PLA2R1: variants seen among roughly 807,000 people sequenced by gnomAD.
PLA2R1 encodes the protein secretory phospholipase A2 receptor.
In PLA2R1, 158 loss-of-function variants were observed where a neutral mutation model predicts 195.9. The observed-to-expected ratio is 0.81, with a 90% CI of 0.71 to 0.92. The LOEUF is 0.92. Ranked by LOEUF, PLA2R1 falls within the 40% of genes least tolerant of loss-of-function variation. PLA2R1 has a pLI of 0.00. For synonymous variants in PLA2R1, 586 were observed against 598.2 expected (o/e 0.98, Z 0.30); for missense variants, 1,626 against 1,764.6 (o/e 0.92, Z 1.41).
intron 11 of PLA2R1, among the ~76,000 whole-genome samples, chr2:159,997,343 A>T (rs919134556): frequency 1.3e-5 from 2 of 152,050 alleles, no homozygotes; most frequent in African/African-American, 4.8e-5. Context: ...ATCACGTGAA[A>T]GGATAGAGCT....
intron 20 of PLA2R1, among the ~76,000 whole-genome samples, chr2:159,963,437 A>G (rs1688580788): frequency 6.6e-6 from 1 of 152,220 alleles, no homozygotes; most frequent in South Asian, 2.1e-4. Flanking sequence ...GACATTATCA[A>G]GAAAGTTAAA....
At chr2:160,023,438 G>A (rs1345270443) in intron 6 of PLA2R1, among the ~76,000 whole-genome samples, 1 of 152,186 alleles carries the variant, frequency 6.6e-6, no homozygotes, top group East Asian at 1.9e-4. Flanking sequence ...ACTCCCACCA[G>A]TGCCATGACA....
Position 159,976,197 on chromosome 2 carries a change from T to G in PLA2R1, c.2466A>C (p.Ala822=). The G allele has an allele frequency of 6.2e-7, 1 of 1,610,042 alleles. No homozygotes were observed. Among genetic ancestry groups the G allele is most frequent in the South Asian group, 1.1e-5 (1 of 90,428 alleles). Residue 822 remains alanine (A), a synonymous_variant, in exon 17 of 30, where the codon GCA becomes GCC. Transcript: ENST00000283243. ...YDVPWLFYQD[A]EYLFHTFASE... ...AGGCAAAGGTATGAAAAAGGTATTC[T>G]GCATCCTGATAAAAGAGCCAGGGTA...
Position 159,942,167 on chromosome 2 carries a change from C to G in PLA2R1, c.4145-8G>C. The G allele has an allele frequency of 2.5e-6, 4 of 1,604,228 alleles. No individual in the cohort carries two copies. Among genetic ancestry groups the G allele is most frequent in the Non-Finnish European group, 1.7e-6 (2 of 1,172,772 alleles). ...CCTCTGCAGTGTGAATATCTAAAAT[C>G]AAATACAAAAATTAAAATGAGGTTT... On this transcript the variant is annotated splice_polypyrimidine_tract_variant and splice_region_variant and intron_variant, in intron 28 of 29. Transcript: ENST00000283243.
Position 160,020,272 on chromosome 2 carries a change from G to A in PLA2R1, c.1295-9C>T. ...TGTTTCTGATGCATTTTCTGTAAGA[G>A]ATAAATGTAAATTACTTATGGGATC... On this transcript the variant is annotated splice_polypyrimidine_tract_variant and intron_variant, in intron 7 of 29. Coordinates refer to ENST00000283243, the MANE Select transcript of PLA2R1 (RefSeq NM_007366.5). 6.3e-7 allele frequency: 1 copy of A among 1,599,220 alleles called. No individual in the cohort carries two copies. The highest frequency in any genetic ancestry group is 1.3e-5 in the African/African-American group (1 of 74,476).
Position 159,951,566 on chromosome 2 carries a change from T to C in PLA2R1, c.3314A>G (p.His1105Arg), listed in dbSNP as rs761375733. 9.2e-6 allele frequency: 14 copies of C among 1,516,200 alleles called. No homozygotes were observed. Among genetic ancestry groups the C allele is most frequent in the Non-Finnish European group, 1.3e-5 (14 of 1,088,400 alleles). 93.9% of individuals were successfully genotyped at this position (1,516,200 alleles called of 1,614,324 possible). Reference protein sequence around the residue: ...VCEKMQDTSGHGVNTSDMYPM... With the variant: ...VCEKMQDTSGRGVNTSDMYPM... ...ATACATATCAGATGTATTTACACCG[T>C]GTCCAGAAGTATCTAGAACAAGAAC... Residue 1105 changes from histidine to arginine, a missense_variant, in exon 24 of 30, where the codon CAC becomes CGC. Transcript: ENST00000283243.
Position 160,005,636 on chromosome 2 carries a change from A to C in PLA2R1, c.1834+16T>G, listed in dbSNP as rs746019627. On this transcript the variant is annotated intron_variant, in intron 11 of 29. Coordinates refer to ENST00000283243, the MANE Select transcript of PLA2R1 (RefSeq NM_007366.5). ...AGAAAACAGGGAGGGTTGGTGATGC[A>C]GCACACTCTACTCACGCGGCTGGTG... 101 of 1,606,466 alleles carry C rather than the reference A, an allele frequency of 6.3e-5. No individual in the cohort carries two copies. The highest frequency in any genetic ancestry group is 8.1e-5 in the Non-Finnish European group (95 of 1,174,434).
chr2:160,022,618 C>T (rs973396182), intron 7 of PLA2R1, 47 bp downstream of exon 7: 3 of 1,116,960 alleles, frequency 2.7e-6, no homozygotes, highest in Middle Eastern at 4.2e-4. Flanking sequence ...AAAGTAGTTA[C>T]TACATTATAT....
In PLA2R1 at chr2:159,937,102, C is replaced by T. The variant is rs1686869013; in HGVS notation, c.*4676G>A. The T allele has an allele frequency of 6.6e-6, 1 of 151,970 alleles. No homozygotes were observed. Among genetic ancestry groups the T allele is most frequent in the African/African-American group, 2.4e-5 (1 of 41,344 alleles). 9.4% of individuals were successfully genotyped at this position (151,970 alleles called of 1,614,324 possible). A position where few individuals can be genotyped will look rare whatever the true frequency, so the allele number is the denominator to read the frequency against. ...TGTTCTCCTTCAGTTTTTTTTAAAG[C>T]ATAGAAGTGGAAACACCCTACTTGC... is the stretch of plus-strand genomic sequence containing the variant. On this transcript the variant is annotated 3_prime_UTR_variant, in exon 30 of 30. Coordinates refer to ENST00000283243, the MANE Select transcript of PLA2R1 (RefSeq NM_007366.5).
intron 13 of PLA2R1, among the ~76,000 whole-genome samples, chr2:159,983,468 T>TC (rs991294042): frequency 2.1e-5 from 3 of 145,580 alleles, no homozygotes; most frequent in Non-Finnish European, 4.4e-5. Flanking sequence ...TTTTTTTTTT[T>TC]CCAAACAAAA....
rs978345050 is a variant in PLA2R1 at position 159,935,487 on chromosome 2, C to T, written c.*6291G>A. On this transcript the variant is annotated 3_prime_UTR_variant, in exon 30 of 30. Coordinates refer to ENST00000283243, the MANE Select transcript of PLA2R1 (RefSeq NM_007366.5). ...ATTCAATTGTTTACATCAGTATGGA[C>T]ACACAGATATTTATTGTGTGGGTTA... is the stretch of plus-strand genomic sequence containing the variant. 3 of 152,176 alleles carry T rather than the reference C, an allele frequency of 2.0e-5. No individual in the cohort carries two copies. The highest frequency in any genetic ancestry group is 7.2e-5 in the African/African-American group (3 of 41,442). The allele number at this position is 152,176 out of a possible 1,614,324, so 9.4% of individuals were successfully genotyped here. A position where few individuals can be genotyped will look rare whatever the true frequency, so the allele number is the denominator to read the frequency against.
chr2:160,036,513 A>G (rs1294937666), intron 3 of PLA2R1, among the ~76,000 whole-genome samples: 2 of 152,126 alleles, frequency 1.3e-5, no homozygotes, highest in African/African-American at 4.8e-5. Context: ...TGCAGTTTCT[A>G]AAGAGAGTCA....
Position 159,976,078 on chromosome 2 carries a change from T to A in PLA2R1, c.2585A>T (p.Lys862Ile). ...SAHEQEFIHS[K>I]IKALSKYGAS... ...GTTATGTTCAAGTACCGCTTTTATTTTGCTGTGGATGAATTCTTGCTCATG... is the reference window on the plus strand; with the variant it reads ...GTTATGTTCAAGTACCGCTTTTATTATGCTGTGGATGAATTCTTGCTCATG... Residue 862 changes from lysine (K) to isoleucine (I), a missense_variant, in exon 17 of 30, where the codon AAA becomes ATA. Coordinates refer to ENST00000283243, the MANE Select transcript of PLA2R1 (RefSeq NM_007366.5). 6.2e-7 allele frequency: 1 copy of A among 1,612,856 alleles called. No homozygotes were observed. The highest frequency in any genetic ancestry group is 1.1e-5 in the South Asian group (1 of 90,844).
rs1038843017 is a variant in PLA2R1 at position 160,016,860 on chromosome 2, T to C, written c.1453-148A>G. On this transcript the variant is annotated intron_variant, in intron 8 of 29. Transcript: ENST00000283243. Reference sequence around the variant, plus strand: ...GCACTCTGCTTTGTCACGGAAAGGGTTGACACTTTGTCTAGGGAAAGGCCC... The same window carrying C: ...GCACTCTGCTTTGTCACGGAAAGGGCTGACACTTTGTCTAGGGAAAGGCCC... 3 of 603,140 alleles carry C rather than the reference T, an allele frequency of 5.0e-6. No individual in the cohort carries two copies. In the Admixed American group the frequency reaches 8.8e-5, roughly 18 times the overall value. 37.4% of individuals were successfully genotyped at this position (603,140 alleles called of 1,614,324 possible). A position where few individuals can be genotyped will look rare whatever the true frequency, so the allele number is the denominator to read the frequency against.
intron 1 of PLA2R1, among the ~76,000 whole-genome samples, chr2:160,052,527 T>C (rs1474916873): frequency 1.3e-5 from 2 of 152,372 alleles, no homozygotes; most frequent in East Asian, 3.9e-4. Context: ...TTTATTTAAC[T>C]GGAAAGTACT....
rs117339422 is a variant in PLA2R1 at position 160,009,845 on chromosome 2, C to G, written c.1664+3418G>C. On this transcript the variant is annotated intron_variant, in intron 10 of 29. Coordinates refer to ENST00000283243, the MANE Select transcript of PLA2R1 (RefSeq NM_007366.5). ...AGCTTAGGAGGGGTATAGTGGCTCA[C>G]ACCTATAATCCCAGCACTTTGAGAG... Among the ~76,000 whole-genome samples the G allele has an allele frequency of 1.8e-3, 281 of 152,230 alleles. 10 individuals carry two copies. The East Asian group carries it at 0.042, about 23-fold the overall frequency.
intron 12 of PLA2R1, among the ~76,000 whole-genome samples, chr2:159,984,823 T>C (rs74563885): frequency 0.034 from 5,103 of 152,298 alleles, 103 homozygotes; most frequent in East Asian, 0.053. Flanking sequence ...TTTAACTGCC[T>C]GGCACTAAGC....
chr2:160,047,624 A>C (rs1277272945), intron 1 of PLA2R1, among the ~76,000 whole-genome samples: 1 of 152,212 alleles, frequency 6.6e-6, no homozygotes, highest in African/African-American at 2.4e-5. Context: ...CCTTTGTTCA[A>C]ATATGTGTGC....
At chr2:160,026,589 C>T (rs569033019) in intron 6 of PLA2R1, among the ~76,000 whole-genome samples, 12 of 152,108 alleles carry the variant, frequency 7.9e-5, no homozygotes, top group Non-Finnish European at 1.0e-4. Context: ...TCCTTTCTCA[C>T]GAGACTGTCC....
Sources: allele counts gnomAD v4.1 joint callset (sites outside exome capture counted in the v4.1 genomes callset), GRCh38; gene constraint gnomAD v4.1.1; transcripts MANE v1.5; gene names NCBI Gene and HGNC (gene_info 2026-07-23, HGNC 2026-07-21).